The following GPHN variants were observed in gnomAD, a reference collection of about 807,000 sequenced individuals.
GPHN encodes gephyrin.
Under a neutral mutation model 95.5 loss-of-function variants are expected in GPHN, and 17 were observed. That is an observed-to-expected ratio of 0.18 (90% CI 0.12 to 0.27). The LOEUF is 0.27. Among genes scored for constraint, GPHN ranks in the 10% least tolerant of loss-of-function variants. The pLI is 1.00. For missense variants in GPHN, 660 were observed against 978.1 expected, an observed-to-expected ratio of 0.67 and a Z score of 4.34; for synonymous variants, 320 against 322.5, an observed-to-expected ratio of 0.99 and a Z score of 0.08.
At chr14:66,684,990 A>T (rs191043754) in intron 2 of GPHN, among the ~76,000 whole-genome samples, 66 of 152,280 alleles carry the variant, frequency 4.3e-4, no homozygotes, top group Middle Eastern at 3.4e-3. Flanking sequence ...ATGAGTGAGA[A>T]CATGCGGTGT....
the GPHN span, among the ~76,000 whole-genome samples, chr14:67,272,228 A>G: frequency 7.2e-4 from 110 of 152,270 alleles, no homozygotes; most frequent in African/African-American, 2.4e-3. Context: ...GATGGACCCA[A>G]TCAAACTTTC....
chr14:66,548,654 A>G (rs935455887), intron 1 of GPHN, among the ~76,000 whole-genome samples: 1 of 152,220 alleles, frequency 6.6e-6, no homozygotes, highest in Non-Finnish European at 1.5e-5. Context: ...AAATTAGGCC[A>G]GATAATAATC....
chr14:67,721,670 T>C, the GPHN span, among the ~76,000 whole-genome samples: 8 of 151,990 alleles, frequency 5.3e-5, no homozygotes, highest in Non-Finnish European at 1.0e-4. Context: ...CTGACTCTTA[T>C]ATACTGTTTA....
At chr14:67,387,495 T>C in the GPHN span, 1 of 1,589,416 alleles carries the variant, frequency 6.3e-7, no homozygotes, top group Non-Finnish European at 8.5e-7. Context: ...AGTGATTGAA[T>C]AGCCATGTCT....
the GPHN span, chr14:67,733,678 G>T: frequency 9.9e-7 from 1 of 1,005,328 alleles, no homozygotes; most frequent in South Asian, 1.3e-5. Context: ...TTCTGAGAAA[G>T]GGACCATAAA....
chr14:67,449,534 G>C, the GPHN span, among the ~76,000 whole-genome samples: 1 of 152,170 alleles, frequency 6.6e-6, no homozygotes, highest in Non-Finnish European at 1.5e-5. Context: ...CTTGTAGGCT[G>C]ACAGGCAGGG....
intron 9 of GPHN, among the ~76,000 whole-genome samples, chr14:66,995,238 G>A (rs1000105724): frequency 2.0e-5 from 3 of 152,122 alleles, no homozygotes; most frequent in Admixed American, 2.0e-4. Context: ...GAACAGGGAA[G>A]AACATTATCA....
At chr14:67,587,465 C>A in the GPHN span, 2 of 569,052 alleles carry the variant, frequency 3.5e-6, no homozygotes, top group Non-Finnish European at 3.1e-6. Context: ...TTCCTTTTTT[C>A]ATAAGAATAA....
At position 66,552,948 on chromosome 14, in the gene GPHN, G is replaced by A. The variant is rs76909168; in HGVS notation, c.64+44357G>A. Among the ~76,000 whole-genome samples the A allele has an allele frequency of 5.9e-3, 889 of 150,112 alleles. 12 individuals are homozygous for A. Among genetic ancestry groups the A allele is most frequent in the African/African-American group, 0.018 (743 of 41,026 alleles). On this transcript the variant is annotated intron_variant, in intron 1 of 22. Transcript: ENST00000478722. The stretch of plus-strand genomic sequence containing the variant: ...GGTTCTCTTTATATTTATCCTGTTT[G>A]GGATTGGCTAAACTTCTTTTTTTTT...
At chr14:67,129,814 G>A (rs1257872540) in intron 17 of GPHN, among the ~76,000 whole-genome samples, 1 of 150,038 alleles carries the variant, frequency 6.7e-6, no homozygotes, top group East Asian at 1.9e-4. Context: ...GAGGGAGGGA[G>A]GAAGGAAGGA....
intron 1 of GPHN, among the ~76,000 whole-genome samples, chr14:66,547,763 GA>G (rs1207679679): frequency 4.6e-5 from 7 of 152,152 alleles, no homozygotes; most frequent in Non-Finnish European, 8.8e-5. Flanking sequence ...ACAATGTTCT[GA>G]GGCATTTATG....
At chr14:66,587,453 A>G (rs949041853) in intron 1 of GPHN, among the ~76,000 whole-genome samples, 7 of 152,216 alleles carry the variant, frequency 4.6e-5, no homozygotes, top group African/African-American at 1.7e-4. Context: ...AATATTCCTG[A>G]TAAACAGATG....
At chr14:67,658,649 G>A in the GPHN span, among the ~76,000 whole-genome samples, 2 of 152,192 alleles carry the variant, frequency 1.3e-5, no homozygotes, top group Non-Finnish European at 2.9e-5. Flanking sequence ...AAAATTGTTT[G>A]GACTTCCTCC....
intron 1 of GPHN, among the ~76,000 whole-genome samples, chr14:66,607,394 GT>G (rs557179197): frequency 6.0e-5 from 9 of 149,110 alleles, no homozygotes; most frequent in Non-Finnish European, 1.0e-4. Context: ...GTATTTTTGT[GT>G]TTTTTTTTGT....
intron 9 of GPHN, among the ~76,000 whole-genome samples, chr14:67,014,589 TG>T (rs983745757): frequency 1.3e-5 from 2 of 152,202 alleles, no homozygotes; most frequent in African/African-American, 4.8e-5. Flanking sequence ...TGATTGATAG[TG>T]TACAGATAAT....
intron 2 of GPHN, among the ~76,000 whole-genome samples, chr14:66,694,236 C>T (rs1428126572): frequency 2.6e-5 from 4 of 152,114 alleles, no homozygotes; most frequent in Non-Finnish European, 5.9e-5. Flanking sequence ...TCCCCTACCA[C>T]CATATGCGAT....
the GPHN span, among the ~76,000 whole-genome samples, chr14:67,547,682 T>A: frequency 6.6e-6 from 1 of 152,206 alleles, no homozygotes; most frequent in South Asian, 2.1e-4. Context: ...GGGGACCATC[T>A]CTGCTTAGGA....
chr14:67,395,481 G>A, the GPHN span: 5 of 1,613,982 alleles, frequency 3.1e-6, no homozygotes, highest in African/African-American at 6.7e-5. Flanking sequence ...TGCCCTGCAT[G>A]AATAGCCCCG....
intron 17 of GPHN, among the ~76,000 whole-genome samples, chr14:67,135,036 T>C (rs2079985084): frequency 7.2e-6 from 1 of 139,644 alleles, no homozygotes; most frequent in Non-Finnish European, 1.5e-5. Context: ...CTCAGCTTAC[T>C]GCAACCTCCA....
Sources: allele counts gnomAD v4.1 joint callset (sites outside exome capture counted in the v4.1 genomes callset), GRCh38; gene constraint gnomAD v4.1.1; transcripts MANE v1.5; gene names NCBI Gene and HGNC (gene_info 2026-07-23, HGNC 2026-07-21).